Variants in ATP13A4 observed in about 807,000 individuals in gnomAD.
The protein encoded by ATP13A4 is ATPase 13A4.
Under a neutral mutation model 142.5 loss-of-function variants are expected in ATP13A4, and 114 were observed. That is an observed-to-expected ratio of 0.80 (90% CI 0.69 to 0.93). ATP13A4 has a LOEUF of 0.93. Among genes scored for constraint, ATP13A4 ranks in the 40% least tolerant of loss-of-function variants. ATP13A4 has a pLI of 0.00. For synonymous variants in ATP13A4, 488 were observed against 514.8 expected (o/e 0.95, Z 0.70); for missense variants, 1,392 against 1,454.0 (o/e 0.96, Z 0.69).
At chr3:193,415,244 A>G (rs1714994899) in intron 25 of ATP13A4, among the ~76,000 whole-genome samples, 1 of 152,256 alleles carries the variant, frequency 6.6e-6, no homozygotes, top group Non-Finnish European at 1.5e-5. Context: ...AACAACATGT[A>G]GTCACTAAAC....
At chr3:193,567,979 G>A (rs913225377) in intron 2 of ATP13A4, among the ~76,000 whole-genome samples, 4 of 148,988 alleles carry the variant, frequency 2.7e-5, no homozygotes. Flanking sequence ...TTTTTTTTTA[G>A]ACGGAGTTTC....
At chr3:193,511,391 T>C (rs1387048163) in intron 2 of ATP13A4, among the ~76,000 whole-genome samples, 2 of 152,070 alleles carry the variant, frequency 1.3e-5, no homozygotes, top group African/African-American at 4.8e-5. Flanking sequence ...CCCGACTGAG[T>C]ATGGATGAGA....
chr3:193,539,234 G>A (rs1050303753), intron 1 of ATP13A4, among the ~76,000 whole-genome samples: 8 of 152,078 alleles, frequency 5.3e-5, no homozygotes, highest in Admixed American at 3.9e-4. Flanking sequence ...TGTCCCCAAG[G>A]GCCATAGTTT....
At chr3:193,535,809 T>C (rs1407124137) in intron 1 of ATP13A4, among the ~76,000 whole-genome samples, 1 of 151,868 alleles carries the variant, frequency 6.6e-6, no homozygotes, top group African/African-American at 2.4e-5. Flanking sequence ...AAATCATCAA[T>C]ATTGGAAAAT....
chr3:193,461,516 C>T (rs2108639452), intron 13 of ATP13A4, among the ~76,000 whole-genome samples: 1 of 152,310 alleles, frequency 6.6e-6, no homozygotes, highest in South Asian at 2.1e-4. Context: ...TCAGAGGCCT[C>T]TTCTGTACAC....
At chr3:193,405,161 C>T (rs58549510) in intron 29 of ATP13A4, among the ~76,000 whole-genome samples, 8,823 of 152,288 alleles carry the variant, frequency 0.058, 357 homozygotes, top group Middle Eastern at 0.12. Context: ...ACGTAGATTA[C>T]CCCGAGCTTG....
intron 3 of ATP13A4, among the ~76,000 whole-genome samples, chr3:193,501,584 A>G (rs1246527043): frequency 1.3e-5 from 2 of 148,200 alleles, no homozygotes; most frequent in Non-Finnish European, 3.0e-5. Flanking sequence ...GTGAAACTCC[A>G]TTTAAAAAAA....
intron 1 of ATP13A4, among the ~76,000 whole-genome samples, chr3:193,539,164 T>C (rs981523497): frequency 3.9e-5 from 6 of 152,198 alleles, no homozygotes; most frequent in African/African-American, 1.4e-4. Context: ...TGAGCCATCA[T>C]GCCCGGCCAT....
At position 193,400,336 on chromosome 3, in the gene ATP13A4, C is replaced by T. The variant is rs993229461; in HGVS notation, c.*2316G>A. On this transcript the variant is annotated 3_prime_UTR_variant, in exon 30 of 30. Coordinates refer to ENST00000342695, the MANE Select transcript of ATP13A4 (RefSeq NM_032279.4). ...AGATTCTTTTCTTCCTGTTCCCTGCCAGCCTTTGCTAGTGATAGAATCACT... is the reference window on the plus strand; with the variant it reads ...AGATTCTTTTCTTCCTGTTCCCTGCTAGCCTTTGCTAGTGATAGAATCACT... Among the ~76,000 whole-genome samples, 2 of 152,240 alleles carry T rather than the reference C, an allele frequency of 1.3e-5. No homozygotes were observed. Among genetic ancestry groups the T allele is most frequent in the African/African-American group, 4.8e-5 (2 of 41,452 alleles).
intron 1 of ATP13A4, among the ~76,000 whole-genome samples, chr3:193,537,055 G>C (rs1722626114): frequency 6.6e-6 from 1 of 151,998 alleles, no homozygotes; most frequent in Admixed American, 6.5e-5. Flanking sequence ...CAGATCCAAT[G>C]CAATACCTAT....
intron 26 of ATP13A4, among the ~76,000 whole-genome samples, chr3:193,413,345 A>C (rs775523896): frequency 6.6e-6 from 1 of 152,174 alleles, no homozygotes; most frequent in African/African-American, 2.4e-5. Context: ...TATTGTACAA[A>C]TTGATTGTAA....
At chr3:193,560,737 C>T (rs1481864203) in intron 2 of ATP13A4, among the ~76,000 whole-genome samples, 1 of 152,204 alleles carries the variant, frequency 6.6e-6, no homozygotes, top group Non-Finnish European at 1.5e-5. Context: ...GGGTGAAAAT[C>T]TGTGCTTGGG....
chr3:193,497,911 G>A (rs1413590585), intron 3 of ATP13A4, among the ~76,000 whole-genome samples: 1 of 152,110 alleles, frequency 6.6e-6, no homozygotes, highest in Non-Finnish European at 1.5e-5. Context: ...TCCGAGGTTG[G>A]GGGGAATAGC....
chr3:193,545,756 A>G (rs1723185058), intron 1 of ATP13A4, among the ~76,000 whole-genome samples: 1 of 152,114 alleles, frequency 6.6e-6, no homozygotes, highest in African/African-American at 2.4e-5. Flanking sequence ...CGGCACTGTT[A>G]ATCATTTGCC....
Position 193,466,201 on chromosome 3 carries a change from A to G in ATP13A4, c.1115-19T>C, listed in dbSNP as rs1469943699. On this transcript the variant is annotated intron_variant, in intron 10 of 29. Coordinates refer to ENST00000342695, the MANE Select transcript of ATP13A4 (RefSeq NM_032279.4). ...TTGAATCCTGGAACAACAAACACAC[A>G]CCCCACACTCTCAGGAGACCAACGC... The G allele has an allele frequency of 6.2e-7, 1 of 1,613,132 alleles. No individual in the cohort carries two copies. The highest frequency in any genetic ancestry group is 1.3e-5 in the African/African-American group (1 of 74,864).
At chr3:193,415,318 C>T (rs1422326475) in intron 25 of ATP13A4, among the ~76,000 whole-genome samples, 1 of 152,144 alleles carries the variant, frequency 6.6e-6, no homozygotes, top group Non-Finnish European at 1.5e-5. Context: ...GTGAAGTAGG[C>T]AGCTCCAAGT....
At chr3:193,483,906 A>G in intron 8 of ATP13A4, 30 bp downstream of exon 8, 2 of 1,459,258 alleles carry the variant, frequency 1.4e-6, no homozygotes, top group Non-Finnish European at 1.9e-6. Flanking sequence ...CCATGTGAAT[A>G]GCATATAGAT....
At position 193,573,280 on chromosome 3, in the gene ATP13A4, T is replaced by TACAC. The variant is rs1418015071; in HGVS notation, n.291+8426_291+8427insGTGT. Among the ~76,000 whole-genome samples the TACAC allele has an allele frequency of 3.7e-3, 370 of 100,396 alleles. 4 individuals carry two copies. Among genetic ancestry groups the TACAC allele is most frequent in the South Asian group, 0.021 (71 of 3,422 alleles). The allele number at this position is 100,396 out of a possible 152,430, so 65.9% of individuals were successfully genotyped here. A position where few individuals can be genotyped will look rare whatever the true frequency, so the allele number is the denominator to read the frequency against. On this transcript the variant is annotated intron_variant and non_coding_transcript_variant, in intron 2 of 3. Transcript: ENST00000489140. The stretch of plus-strand genomic sequence containing the variant: ...ACAGCCATATATATATATATACATA[T>TACAC]ATATATATACACATATATATATATA...
At chr3:193,453,665 T>A (rs1717411581) in intron 17 of ATP13A4, among the ~76,000 whole-genome samples, 1 of 152,216 alleles carries the variant, frequency 6.6e-6, no homozygotes, top group South Asian at 2.1e-4. Flanking sequence ...TTTGTTTCAT[T>A]AAGCTGTGTA....
Sources: gnomAD v4.1 joint callset for allele counts (sites outside exome capture counted in the v4.1 genomes callset) on GRCh38, gnomAD v4.1.1 for gene constraint, MANE v1.5 for transcripts, NCBI Gene and HGNC (gene_info 2026-07-23, HGNC 2026-07-21) for gene names.